The following MARCHF1 variants were observed in gnomAD, a reference collection of about 807,000 sequenced individuals.
MARCHF1 encodes E3 ubiquitin-protein ligase MARCHF1.
A neutral mutation model predicts 54.2 loss-of-function variants in MARCHF1; 40 were observed. The observed-to-expected ratio is 0.74, with a 90% confidence interval of 0.57 to 0.96. MARCHF1 has a LOEUF of 0.96. MARCHF1 is among the 40% of genes least tolerant of loss of function. MARCHF1 has a pLI of 0.00. For missense variants in MARCHF1, 586 were observed against 656.5 expected (o/e 0.89, Z 1.17); for synonymous variants, 236 against 236.3 (o/e 1.00, Z 0.01).
intron 1 of MARCHF1, among the ~76,000 whole-genome samples, chr4:164,175,941 G>C (rs1308709789): frequency 6.6e-6 from 1 of 151,936 alleles, no homozygotes; most frequent in Non-Finnish European, 1.5e-5. Flanking sequence ...GTTTCTATTT[G>C]GACCTCAATA....
intron 5 of MARCHF1, among the ~76,000 whole-genome samples, chr4:163,693,080 C>T (rs1385144836): frequency 6.6e-6 from 1 of 151,126 alleles, no homozygotes; most frequent in East Asian, 2.0e-4. Flanking sequence ...CAGTGGTTGT[C>T]AAATATCAGA....
intron 2 of MARCHF1, among the ~76,000 whole-genome samples, chr4:164,081,480 T>G (rs1347949911): frequency 6.6e-6 from 1 of 152,048 alleles, no homozygotes; most frequent in Non-Finnish European, 1.5e-5. Flanking sequence ...TCTTCCTTGC[T>G]CAAAGGTACA....
intron 2 of MARCHF1, among the ~76,000 whole-genome samples, chr4:164,040,843 C>T (rs1160681484): frequency 6.6e-6 from 1 of 151,916 alleles, no homozygotes; most frequent in African/African-American, 2.4e-5. Context: ...ATAAGGTTGG[C>T]CATTTTCTAA....
chr4:163,779,870 C>T (rs547376695), intron 4 of MARCHF1, among the ~76,000 whole-genome samples: 1 of 151,948 alleles, frequency 6.6e-6, no homozygotes, highest in Non-Finnish European at 1.5e-5. Flanking sequence ...CTGGGCAAAA[C>T]CTCTGATTGA....
chr4:163,606,633 GGGAAGAACTACATTT>G (rs1388625038), intron 7 of MARCHF1, among the ~76,000 whole-genome samples: 1 of 151,954 alleles, frequency 6.6e-6, no homozygotes, highest in Non-Finnish European at 1.5e-5. Flanking sequence ...CATTTAAGAG[GGGAAGAACTACATTT>G]GGTGGTGGTG....
At chr4:164,080,399 T>C (rs914558898) in intron 2 of MARCHF1, among the ~76,000 whole-genome samples, 13 of 152,230 alleles carry the variant, frequency 8.5e-5, no homozygotes, top group Admixed American at 7.9e-4. Context: ...AATAGATCTT[T>C]ATTGTACTTC....
intron 1 of MARCHF1, among the ~76,000 whole-genome samples, chr4:164,380,099 A>C (rs1314915369): frequency 6.6e-6 from 1 of 152,228 alleles, no homozygotes. Context: ...TGCAATAAAA[A>C]TACATAACCA....
intron 3 of MARCHF1, among the ~76,000 whole-genome samples, chr4:163,981,216 G>T (rs1471158282): frequency 6.6e-6 from 1 of 151,712 alleles, no homozygotes; most frequent in African/African-American, 2.4e-5. Flanking sequence ...CCTAAAGAAT[G>T]CAGCATGTTG....
At chr4:163,758,661 CAT>C (rs1215354922) in intron 4 of MARCHF1, among the ~76,000 whole-genome samples, 2 of 152,138 alleles carry the variant, frequency 1.3e-5, no homozygotes, top group Non-Finnish European at 2.9e-5. Flanking sequence ...GGTTAATACA[CAT>C]GTTGTAACTT....
chr4:164,262,416 G>A (rs542806151), intron 1 of MARCHF1, among the ~76,000 whole-genome samples: 1 of 152,240 alleles, frequency 6.6e-6, no homozygotes, highest in South Asian at 2.1e-4. Context: ...TGAGGTCATT[G>A]ATAGGAATGG....
At chr4:164,197,073 T>A (rs1437169157) in intron 1 of MARCHF1, 3 of 1,606,466 alleles carry the variant, frequency 1.9e-6, no homozygotes, top group Non-Finnish European at 2.6e-6. Context: ...CATCTACCTC[T>A]CCATCGTTAT....
At chr4:164,032,397 G>C (rs1753896976) in intron 2 of MARCHF1, among the ~76,000 whole-genome samples, 1 of 152,028 alleles carries the variant, frequency 6.6e-6, no homozygotes, top group Non-Finnish European at 1.5e-5. Context: ...GCTTGCCCTT[G>C]CTTCTCCAGT....
intron 1 of MARCHF1, among the ~76,000 whole-genome samples, chr4:164,141,716 G>C (rs1374074066): frequency 6.6e-6 from 1 of 152,212 alleles, no homozygotes; most frequent in African/African-American, 2.4e-5. Flanking sequence ...AATAACTGTT[G>C]AAAATCACCT....
intron 2 of MARCHF1, among the ~76,000 whole-genome samples, chr4:164,085,697 C>T (rs1489963969): frequency 2.0e-5 from 3 of 151,766 alleles, no homozygotes; most frequent in Non-Finnish European, 4.4e-5. Context: ...AAATAAAACC[C>T]TTAAGTACTT....
chr4:164,164,341 C>T (rs1730315029), intron 1 of MARCHF1, among the ~76,000 whole-genome samples: 1 of 151,550 alleles, frequency 6.6e-6, no homozygotes, highest in African/African-American at 2.4e-5. Flanking sequence ...CTTTGTCCAG[C>T]TTGTTCAGAA....
intron 1 of MARCHF1, among the ~76,000 whole-genome samples, chr4:164,162,636 C>T (rs1178843589): frequency 2.0e-5 from 3 of 151,564 alleles, no homozygotes; most frequent in Non-Finnish European, 4.4e-5. Context: ...GAAGAGGATT[C>T]AAAAAACATT....
At chr4:163,849,257 T>A (rs904556691) in intron 4 of MARCHF1, among the ~76,000 whole-genome samples, 13 of 152,164 alleles carry the variant, frequency 8.5e-5, no homozygotes, top group African/African-American at 2.9e-4. Context: ...ATTTATGAAA[T>A]GGGGGTAATT....
At chr4:164,359,838 T>A (rs1311683008) in intron 1 of MARCHF1, among the ~76,000 whole-genome samples, 1 of 152,154 alleles carries the variant, frequency 6.6e-6, no homozygotes, top group Non-Finnish European at 1.5e-5. Flanking sequence ...CAGGCTGTGT[T>A]CTCATTTAAA....
At position 164,227,363 on chromosome 4, in the gene MARCHF1, G is replaced by T. The variant is rs114903886; in HGVS notation, c.-322-115701C>A. On this transcript the variant is annotated intron_variant, in intron 1 of 9. Transcript: ENST00000514618. ...CCTACAATTCAATTACCTCCACCTG[G>T]TCCCACCCTTGACACATGGGGATCA... Among the ~76,000 whole-genome samples the T allele has an allele frequency of 1.5e-3, 231 of 152,184 alleles. 1 individual carries two copies. The highest frequency in any genetic ancestry group is 2.4e-3 in the Non-Finnish European group (161 of 68,004).
Sources: allele counts gnomAD v4.1 joint callset (sites outside exome capture counted in the v4.1 genomes callset), GRCh38; gene constraint gnomAD v4.1.1; transcripts MANE v1.5; gene names NCBI Gene and HGNC (gene_info 2026-07-23, HGNC 2026-07-21).